ACP3: variants seen among roughly 807,000 people sequenced by gnomAD.
ACP3 encodes the protein prostatic acid phosphatase.
ACP3 carries 38 observed loss-of-function variants against 45.6 expected under a neutral mutation model. That is an observed-to-expected ratio of 0.83 (90% CI 0.64 to 1.09). The LOEUF (loss-of-function observed/expected upper bound fraction) is 1.09, where lower values mean the gene tolerates loss of function less well. ACP3 is among the 50% of genes least tolerant of loss of function. The probability of loss-of-function intolerance (pLI) is 0.00; values close to 1 mark genes in which losing one functional copy is unlikely to be tolerated. For synonymous variants in ACP3, 162 were observed against 164.7 expected, an observed-to-expected ratio of 0.98 and a Z score of 0.13; for missense variants, 466 against 463.2, an observed-to-expected ratio of 1.01 and a Z score of -0.05.
At chr3:132,327,990 G>A (rs907552652) in intron 1 of ACP3, among the ~76,000 whole-genome samples, 1 of 152,132 alleles carries the variant, frequency 6.6e-6, no homozygotes, top group Admixed American at 6.6e-5. Flanking sequence ...CTGAAACACA[G>A]TGAAAGTGTT....
chr3:132,366,087 G>A lies in ACP3; in HGVS notation c.1139-1617G>A, dbSNP rs148915515. Among the ~76,000 whole-genome samples the A allele has an allele frequency of 2.3e-3, 353 of 152,110 alleles. 3 individuals are homozygous for A. The highest frequency in any genetic ancestry group is 8.0e-3 in the African/African-American group (330 of 41,498). ...AGGCTGAGGCAGATGGATCATTTGA[G>A]CTTAAGAGTTCAAGACCAGCCCGGG... On this transcript the variant is annotated intron_variant, in intron 10 of 10. Transcript: ENST00000351273.
Position 132,317,412 on chromosome 3 carries a change from G to T in ACP3, c.-45G>T. 1.3e-6 allele frequency: 2 copies of T among 1,594,236 alleles called. No homozygotes were observed. Among genetic ancestry groups the T allele is most frequent in the Non-Finnish European group, 1.7e-6 (2 of 1,172,416 alleles). ...CTTCCCCTCTACAGGCTTTTGAAGT[G>T]GTAGCAGTTCCTCCTAACTCCTGCC... On this transcript the variant is annotated 5_prime_UTR_variant, in exon 1 of 10. Coordinates refer to ENST00000336375, the MANE Select transcript of ACP3 (RefSeq NM_001099.5).
At chr3:132,332,081 G>A (rs1559831414) in intron 3 of ACP3, 111 bp from the exon 4 acceptor site, 19 of 1,191,308 alleles carry the variant, frequency 1.6e-5, no homozygotes, top group South Asian at 4.1e-5. Context: ...CACAATGTCT[G>A]TAATATTTCA....
chr3:132,328,389 G>A (rs1386490066), intron 2 of ACP3, 27 bp downstream of exon 2: 4 of 1,590,282 alleles, frequency 2.5e-6, no homozygotes, highest in Admixed American at 1.7e-5. Context: ...GCTAAAGATT[G>A]TTGATGAAGC....
At chr3:132,339,424 C>T (rs1265896255) in intron 5 of ACP3, among the ~76,000 whole-genome samples, 1 of 152,192 alleles carries the variant, frequency 6.6e-6, no homozygotes, top group Non-Finnish European at 1.5e-5. Flanking sequence ...GAGATAGCAT[C>T]AGATCCTACA....
intron 5 of ACP3, among the ~76,000 whole-genome samples, chr3:132,342,182 T>C (rs918951036): frequency 2.6e-5 from 4 of 152,228 alleles, no homozygotes; most frequent in Non-Finnish European, 5.9e-5. Context: ...CATGTGGCAG[T>C]CAGCCAGCAT....
chr3:132,361,407 C>A (rs1938038152), downstream of ACP3, among the ~76,000 whole-genome samples: 1 of 152,180 alleles, frequency 6.6e-6, no homozygotes, highest in Admixed American at 6.6e-5. Flanking sequence ...CTGCCCTAAA[C>A]CTAGGCAATT....
intron 6 of ACP3, among the ~76,000 whole-genome samples, chr3:132,342,903 GT>G (rs61458858): frequency 0.36 from 54,570 of 151,802 alleles, 10,040 homozygotes; most frequent in Middle Eastern, 0.51. Context: ...TTCCACTTTA[GT>G]TTTTTCCCCC....
At chr3:132,329,992 C>A (rs1937370916) in intron 2 of ACP3, among the ~76,000 whole-genome samples, 1 of 147,892 alleles carries the variant, frequency 6.8e-6, no homozygotes, top group Non-Finnish European at 1.5e-5. Context: ...GATCTCAGCT[C>A]ACTGCAGCCT....
chr3:132,359,899 A>G (rs1938008013), downstream of ACP3, among the ~76,000 whole-genome samples: 1 of 152,220 alleles, frequency 6.6e-6, no homozygotes, highest in African/African-American at 2.4e-5. Context: ...CACCAAAGAA[A>G]TTAAATGCTA....
At chr3:132,355,344 T>C (rs1031555691) in intron 9 of ACP3, among the ~76,000 whole-genome samples, 2 of 152,202 alleles carry the variant, frequency 1.3e-5, no homozygotes, top group African/African-American at 2.4e-5. Flanking sequence ...CAGAGTTTGA[T>C]GGAGTATTGG....
chr3:132,347,995 C>T (rs923534683), intron 7 of ACP3, among the ~76,000 whole-genome samples: 1 of 152,106 alleles, frequency 6.6e-6, no homozygotes, highest in Non-Finnish European at 1.5e-5. Context: ...CAGCCCACTA[C>T]CTGGTTTTGT....
At chr3:132,340,271 C>T (rs1224143736) in intron 5 of ACP3, among the ~76,000 whole-genome samples, 7 of 150,068 alleles carry the variant, frequency 4.7e-5, no homozygotes, top group South Asian at 2.1e-4. Context: ...GCCGAGATGG[C>T]GCCACTGCAT....
At position 132,357,385 on chromosome 3, in the gene ACP3, G is replaced by A; in HGVS notation, c.*507G>A. 1.0e-6 allele frequency: 1 copy of A among 985,364 alleles called. No individual in the cohort carries two copies. 61.0% of individuals were successfully genotyped at this position (985,364 alleles called of 1,614,324 possible). A position where few individuals can be genotyped will look rare whatever the true frequency, so the allele number is the denominator to read the frequency against. On this transcript the variant is annotated 3_prime_UTR_variant, in exon 10 of 10. Transcript: ENST00000336375. ...CCCATCAGTTCCAGCCTTCTCTCAA[G>A]GAGAGGCAAAGAAAGGAGATACAGT...
chr3:132,318,238 G>A (rs1937144027), intron 1 of ACP3, among the ~76,000 whole-genome samples: 1 of 152,138 alleles, frequency 6.6e-6, no homozygotes, highest in African/African-American at 2.4e-5. Flanking sequence ...GCAAAGTGAA[G>A]GGGATTCATC....
intron 5 of ACP3, among the ~76,000 whole-genome samples, chr3:132,338,275 T>C (rs1217709542): frequency 6.6e-6 from 1 of 150,814 alleles, no homozygotes; most frequent in Non-Finnish European, 1.5e-5. Flanking sequence ...ACCTTGGTTT[T>C]GTTTTGTTTT....
At chr3:132,332,102 C>T (rs1937408888) in intron 3 of ACP3, 90 bp from the exon 4 acceptor site, 4 of 1,400,492 alleles carry the variant, frequency 2.9e-6, no homozygotes, top group Admixed American at 1.8e-5. Context: ...CTGTGGGTGT[C>T]CTTTCCTTTC....
chr3:132,322,112 C>T (rs1240759658), intron 1 of ACP3, among the ~76,000 whole-genome samples: 1 of 152,190 alleles, frequency 6.6e-6, no homozygotes, highest in Non-Finnish European at 1.5e-5. Context: ...CCAGCAGGAC[C>T]TTGACAAAGC....
chr3:132,324,684 C>T (rs1006747024), intron 1 of ACP3, among the ~76,000 whole-genome samples: 10 of 152,160 alleles, frequency 6.6e-5, no homozygotes, highest in African/African-American at 2.4e-4. Context: ...CACTCTGTCA[C>T]CAGGCTGAAG....
Sources: allele counts gnomAD v4.1 joint callset (sites outside exome capture counted in the v4.1 genomes callset), GRCh38; gene constraint gnomAD v4.1.1; transcripts MANE v1.5; gene names NCBI Gene and HGNC (gene_info 2026-07-23, HGNC 2026-07-21).